Variants in PCDH9 observed in about 807,000 individuals in gnomAD.
PCDH9 encodes the protein protocadherin-9.
PCDH9 carries 24 observed loss-of-function variants against 70.6 expected under a neutral mutation model. That is an observed-to-expected ratio of 0.34 (90% CI 0.25 to 0.48). PCDH9 has a LOEUF of 0.48. Ranked by LOEUF, PCDH9 falls within the 20% of genes least tolerant of loss-of-function variation. PCDH9 has a pLI of 0.99. For synonymous variants in PCDH9, 562 were observed against 558.5 expected (o/e 1.01, Z -0.09); for missense variants, 1,281 against 1,503.6 (o/e 0.85, Z 2.45).
chr13:66,878,874 C>A (rs2081870385), intron 3 of PCDH9, among the ~76,000 whole-genome samples: 1 of 152,240 alleles, frequency 6.6e-6, no homozygotes, highest in South Asian at 2.1e-4. Context: ...GGAAAGATAG[C>A]TTCAAGTGTT....
chr13:66,880,281 C>G (rs2081899870), intron 3 of PCDH9: 1 of 152,176 alleles, frequency 6.6e-6, no homozygotes, highest in South Asian at 2.1e-4. Flanking sequence ...CCATGAGACA[C>G]TAAACACAGC....
intron 4 of PCDH9, among the ~76,000 whole-genome samples, chr13:66,564,192 T>A (rs2076617787): frequency 6.6e-6 from 1 of 152,032 alleles, no homozygotes; most frequent in African/African-American, 2.4e-5. Flanking sequence ...TAAGACAATG[T>A]GTTGCTTTTT....
At position 66,870,986 on chromosome 13, in the gene PCDH9, C is replaced by T. The variant is rs564545468; in HGVS notation, c.3138+32518G>A. 2.6e-4 allele frequency among the ~76,000 whole-genome samples: 40 copies of T among 152,208 alleles called. No individual in the cohort carries two copies. The South Asian group carries it at 8.1e-3, about 31-fold the overall frequency. On this transcript the variant is annotated intron_variant, in intron 3 of 4. Coordinates refer to ENST00000377865, the MANE Select transcript of PCDH9 (RefSeq NM_203487.3). ...CACAATAGCAAAGACTTGGAACCAA[C>T]CCAAATGTCCAACAATGATAGGCTG...
chr13:66,328,383 A>T (rs895087414), intron 4 of PCDH9, among the ~76,000 whole-genome samples: 1 of 152,242 alleles, frequency 6.6e-6, no homozygotes. Context: ...GAAAGTAAGA[A>T]GTGCCTTAGA....
At chr13:66,738,246 C>T (rs906543547) in intron 3 of PCDH9, among the ~76,000 whole-genome samples, 40 of 150,940 alleles carry the variant, frequency 2.7e-4, no homozygotes, top group Non-Finnish European at 4.9e-4. Context: ...ACACCTCACA[C>T]GGCAGGGTAT....
intron 4 of PCDH9, among the ~76,000 whole-genome samples, chr13:66,512,794 TTTCTC>T (rs1334271518): frequency 6.6e-6 from 1 of 152,030 alleles, no homozygotes; most frequent in East Asian, 1.9e-4. Flanking sequence ...CTTTCATTCT[TTTCTC>T]TTTTCTTTCT....
Position 67,226,075 on chromosome 13 carries a change from C to T in PCDH9, c.2366G>A (p.Arg789His), listed in dbSNP as rs777965493. Reference protein sequence around the residue: ...GNASYIYDLIRRTMETPLDRN... With the variant: ...GNASYIYDLIHRTMETPLDRN... ...GTCCAACGGGGTCTCCATAGTCCTG[C>T]GGATCAAGTCATAGATATAGGAGGC... Residue 789 changes from arginine to histidine, a missense_variant, in exon 2 of 5, where the codon CGC becomes CAC. This residue lies in a region of PCDH9 where 798 missense variants were observed against 1,003.1 expected (regional missense o/e 0.80). Coordinates refer to ENST00000377865, the MANE Select transcript of PCDH9 (RefSeq NM_203487.3). The surrounding 1 kb of genome is among the most constrained non-coding windows in gnomAD (Gnocchi z 5.0). The T allele has an allele frequency of 5.6e-5, 90 of 1,613,870 alleles. No homozygotes were observed. Among genetic ancestry groups the T allele is most frequent in the Admixed American group, 1.3e-4 (8 of 59,996 alleles).
chr13:66,708,434 A>G (rs1156234040), intron 3 of PCDH9, among the ~76,000 whole-genome samples: 1 of 125,936 alleles, frequency 7.9e-6, no homozygotes, highest in East Asian at 2.3e-4. Flanking sequence ...TCTTAGGTCT[A>G]GTTTGAAATG....
chr13:66,507,695 CTTTT>C (rs1179309048), intron 4 of PCDH9, among the ~76,000 whole-genome samples: 7 of 124,618 alleles, frequency 5.6e-5, no homozygotes, highest in Non-Finnish European at 1.2e-4. Flanking sequence ...CATTTCCTTT[CTTTT>C]TTGTTTGTTT....
At chr13:67,118,787 A>G (rs973267356) in intron 2 of PCDH9, among the ~76,000 whole-genome samples, 1 of 152,168 alleles carries the variant, frequency 6.6e-6, no homozygotes, top group Non-Finnish European at 1.5e-5. Flanking sequence ...ACACCACAGC[A>G]CCTTCACACT....
rs369570528 is a variant in PCDH9, at chr13:67,193,363, AC to A, written c.3036+32041del. Among the ~76,000 whole-genome samples the A allele has an allele frequency of 2.7e-5, 4 of 147,416 alleles. No individual in the cohort carries two copies. The South Asian group carries it at 6.4e-4, about 24-fold the overall frequency. On this transcript the variant is annotated intron_variant, in intron 2 of 4. Coordinates refer to ENST00000377865, the MANE Select transcript of PCDH9 (RefSeq NM_203487.3). ...CACACACACACACACACACACACAC[AC>A]ACAACATAGGAGAAAAAATCAATCT...
chr13:67,150,746 G>A (rs866868561), intron 2 of PCDH9, among the ~76,000 whole-genome samples: 3 of 152,134 alleles, frequency 2.0e-5, no homozygotes, highest in Non-Finnish European at 4.4e-5. Flanking sequence ...GGCAAATAAA[G>A]TAACTTGTAC....
At chr13:66,598,955 T>C (rs2077133884) in intron 4 of PCDH9, among the ~76,000 whole-genome samples, 1 of 151,866 alleles carries the variant, frequency 6.6e-6, no homozygotes, top group Admixed American at 6.6e-5. Flanking sequence ...AGCATATAAT[T>C]AGGAGAATAC....
chr13:66,918,088 G>A (rs1391862425), intron 2 of PCDH9, among the ~76,000 whole-genome samples: 1 of 151,284 alleles, frequency 6.6e-6, no homozygotes, highest in African/African-American at 2.4e-5. Flanking sequence ...GTCTCAGTTG[G>A]TGATTGAGAT....
At chr13:66,484,512 T>C (rs1958904979) in intron 4 of PCDH9, among the ~76,000 whole-genome samples, 2 of 152,204 alleles carry the variant, frequency 1.3e-5, no homozygotes, top group South Asian at 2.1e-4. Context: ...AAATTTGAGA[T>C]GGAAGAGTAG....
chr13:66,630,486 G>A (rs1016897532), intron 4 of PCDH9, among the ~76,000 whole-genome samples: 5 of 152,084 alleles, frequency 3.3e-5, no homozygotes, highest in Non-Finnish European at 7.4e-5. Context: ...TTCCTCCAAA[G>A]GCCAAGGAAA....
At chr13:66,368,371 T>C (rs1956587076) in intron 4 of PCDH9, among the ~76,000 whole-genome samples, 1 of 151,998 alleles carries the variant, frequency 6.6e-6, no homozygotes, top group Non-Finnish European at 1.5e-5. Context: ...TAAGATAGTT[T>C]TCCTCTCTCT....
At chr13:66,817,666 G>T (rs1475276610) in intron 3 of PCDH9, among the ~76,000 whole-genome samples, 1 of 151,658 alleles carries the variant, frequency 6.6e-6, no homozygotes, top group East Asian at 1.9e-4. Context: ...GTCTCACTTT[G>T]TCACCCAGGC....
At chr13:66,521,753 T>C (rs9529081) in intron 4 of PCDH9, among the ~76,000 whole-genome samples, 77,124 of 151,846 alleles carry the variant, frequency 0.51, 20,726 homozygotes, top group East Asian at 0.65. Flanking sequence ...TTAGAAAAAC[T>C]TGATACAGGA....
Sources: gnomAD v4.1 joint callset for allele counts (sites outside exome capture counted in the v4.1 genomes callset) on GRCh38, gnomAD v4.1.1 for gene constraint, gnomAD v4.1.1 regional missense constraint, Gnocchi (gnomAD v3.1) non-coding constraint, MANE v1.5 for transcripts, NCBI Gene and HGNC (gene_info 2026-07-23, HGNC 2026-07-21) for gene names.